The following DAB1 variants were observed in gnomAD, a reference collection of about 807,000 sequenced individuals.
The protein encoded by DAB1 is disabled homolog 1.
Under a neutral mutation model 64.6 loss-of-function variants are expected in DAB1, and 15 were observed. The observed-to-expected ratio is 0.23, with a 90% CI of 0.16 to 0.36. The LOEUF is 0.36. DAB1 is among the 10% of genes least tolerant of loss of function. DAB1 has a pLI of 1.00. For synonymous variants in DAB1, 235 were observed against 251.9 expected, an observed-to-expected ratio of 0.93 and a Z score of 0.64; for missense variants, 596 against 706.7, an observed-to-expected ratio of 0.84 and a Z score of 1.78.
At chr1:58,480,983 C>T in intron 3 of DAB1, 1 of 862,150 alleles carries the variant, frequency 1.2e-6, no homozygotes, top group South Asian at 1.3e-5. Flanking sequence ...CCGTTCTTTT[C>T]TCAACTATGT....
chr1:57,079,946 G>A (rs1177157791), intron 4 of DAB1, among the ~76,000 whole-genome samples: 2 of 152,104 alleles, frequency 1.3e-5, no homozygotes, highest in African/African-American at 4.8e-5. Context: ...ATCAGTGTCT[G>A]CCTCCGCCAC....
chr1:57,671,096 T>C (rs372381471), intron 6 of DAB1, among the ~76,000 whole-genome samples: 2 of 152,164 alleles, frequency 1.3e-5, no homozygotes, highest in South Asian at 2.1e-4. Flanking sequence ...TGGAATTTTT[T>C]TTCCCCTGAA....
intron 4 of DAB1, among the ~76,000 whole-genome samples, chr1:58,226,777 G>C (rs1307975495): frequency 6.6e-6 from 1 of 152,134 alleles, no homozygotes; most frequent in East Asian, 1.9e-4. Context: ...GTTCAGGGAG[G>C]TGAAATAGCT....
intron 9 of DAB1, among the ~76,000 whole-genome samples, chr1:57,037,205 TAGGAA>T (rs1647196736): frequency 6.6e-6 from 1 of 152,160 alleles, no homozygotes; most frequent in Admixed American, 6.5e-5. Context: ...AAACTCTCAG[TAGGAA>T]TAATTAGCAG....
At chr1:58,429,458 G>A (rs1368523758) in intron 3 of DAB1, among the ~76,000 whole-genome samples, 1 of 152,176 alleles carries the variant, frequency 6.6e-6, no homozygotes, top group Non-Finnish European at 1.5e-5. Context: ...GCAGTGGGAG[G>A]ACGATCACAG....
chr1:57,045,630 G>A (rs535010271), intron 9 of DAB1, among the ~76,000 whole-genome samples: 8 of 152,124 alleles, frequency 5.3e-5, no homozygotes, highest in Middle Eastern at 3.4e-3. Context: ...CCTGGGAAGC[G>A]GAGGTTGCAG....
chr1:57,010,651 TA>T, intron 14 of DAB1, 28 bp downstream of exon 14: 1 of 1,264,206 alleles, frequency 7.9e-7, no homozygotes, highest in East Asian at 2.5e-5. Flanking sequence ...AGCTTAAGGG[TA>T]AAGGAGATAA....
At chr1:57,830,039 C>T (rs1652520077) in intron 1 of DAB1, among the ~76,000 whole-genome samples, 2 of 152,284 alleles carry the variant, frequency 1.3e-5, no homozygotes, top group Admixed American at 1.3e-4. Flanking sequence ...TCCTGCTCTG[C>T]TATGAGAACT....
intron 4 of DAB1, among the ~76,000 whole-genome samples, chr1:58,164,796 A>C (rs932656936): frequency 6.6e-6 from 1 of 152,164 alleles, no homozygotes; most frequent in Non-Finnish European, 1.5e-5. Context: ...CCTTTATTAA[A>C]TGCAAGAATC....
chr1:57,025,038 G>T (rs180975745), intron 10 of DAB1, among the ~76,000 whole-genome samples: 2 of 152,114 alleles, frequency 1.3e-5, no homozygotes, highest in Non-Finnish European at 1.5e-5. Flanking sequence ...TCTGTGAGGC[G>T]CATCTTGCCA....
chr1:57,487,894 A>G (rs1644111960), intron 7 of DAB1, among the ~76,000 whole-genome samples: 1 of 152,234 alleles, frequency 6.6e-6, no homozygotes, highest in African/African-American at 2.4e-5. Flanking sequence ...AATGTAGTTA[A>G]CCATTACCAA....
rs144981132 is a variant in DAB1 at position 57,987,383 on chromosome 1, A to G, written n.388-103221T>C. Among the ~76,000 whole-genome samples, 52 of 152,238 alleles carry G rather than the reference A, an allele frequency of 3.4e-4. 1 individual carries two copies. In the East Asian group the frequency reaches 9.9e-3, roughly 29 times the overall value. On this transcript the variant is annotated intron_variant and non_coding_transcript_variant, in intron 5 of 20. Transcript: ENST00000485760. ...TCACTGATATGATCTCACTCAACCC[A>G]CCACGATGTTATGAAGGTAGTATTG...
chr1:58,328,759 C>T (rs987524983), intron 4 of DAB1, among the ~76,000 whole-genome samples: 2 of 152,184 alleles, frequency 1.3e-5, no homozygotes, highest in Non-Finnish European at 2.9e-5. Context: ...GCACCTGCCA[C>T]CGTGCCTGGC....
chr1:58,538,113 A>C (rs1646546691), intron 1 of DAB1, among the ~76,000 whole-genome samples: 1 of 152,236 alleles, frequency 6.6e-6, no homozygotes, highest in Non-Finnish European at 1.5e-5. Flanking sequence ...GGTAGTAAGA[A>C]GGCTAGAAGG....
chr1:57,984,240 G>GAAA (rs1274716354), intron 5 of DAB1, among the ~76,000 whole-genome samples: 2 of 143,540 alleles, frequency 1.4e-5, no homozygotes, highest in African/African-American at 5.2e-5. Flanking sequence ...AAGAAAGAAA[G>GAAA]AAAGAAAGAA....
chr1:57,505,807 A>C (rs1470089323), intron 7 of DAB1, among the ~76,000 whole-genome samples: 1 of 152,040 alleles, frequency 6.6e-6, no homozygotes, highest in Non-Finnish European at 1.5e-5. Context: ...CGTAGCTGAG[A>C]CTACAGGTGC....
At chr1:57,753,247 A>G (rs1648638163) in intron 6 of DAB1, among the ~76,000 whole-genome samples, 1 of 152,214 alleles carries the variant, frequency 6.6e-6, no homozygotes. Context: ...TGACTGCCTC[A>G]TTTATAGGGG....
At chr1:57,502,607 T>C (rs1644303522) in intron 7 of DAB1, among the ~76,000 whole-genome samples, 1 of 152,218 alleles carries the variant, frequency 6.6e-6, no homozygotes, top group South Asian at 2.1e-4. Context: ...CATATAATAA[T>C]GTTTGCCATA....
At chr1:57,136,414 G>A in intron 4 of DAB1, 129 bp downstream of exon 4, 1 of 460,272 alleles carries the variant, frequency 2.2e-6, no homozygotes, top group Non-Finnish European at 3.8e-6. Context: ...GATCAGAGTT[G>A]ATCAAGTTTG....
Sources: allele counts gnomAD v4.1 joint callset (sites outside exome capture counted in the v4.1 genomes callset), GRCh38; gene constraint gnomAD v4.1.1; transcripts MANE v1.5; gene names NCBI Gene and HGNC (gene_info 2026-07-23, HGNC 2026-07-21).